Variants in ZBTB46 observed in about 807,000 individuals in gnomAD.
The protein encoded by ZBTB46 is zinc finger and BTB domain containing 46.
ZBTB46 carries 8 observed loss-of-function variants against 44.1 expected under a neutral mutation model. That is an observed-to-expected ratio of 0.18 (90% CI 0.11 to 0.33). The LOEUF (loss-of-function observed/expected upper bound fraction) is 0.33. ZBTB46 is among the 10% of genes least tolerant of loss of function. The pLI is 1.00. For synonymous variants in ZBTB46, 409 were observed against 382.3 expected, an observed-to-expected ratio of 1.07 and a Z score of -0.81; for missense variants, 651 against 847.7, an observed-to-expected ratio of 0.77 and a Z score of 2.88.
intron 1 of ZBTB46, among the ~76,000 whole-genome samples, chr20:63,822,335 GACGGGCACTTTTGTATGTGAC>G (rs1321000431): frequency 2.0e-5 from 3 of 152,208 alleles, no homozygotes; most frequent in Admixed American, 2.0e-4. Flanking sequence ...CCATGGGGGA[GACGGGCACTTTTGTATGTGAC>G]ACGGGCCCCC....
chr20:63,822,487 C>A (rs762799071), intron 1 of ZBTB46, among the ~76,000 whole-genome samples: 1 of 152,202 alleles, frequency 6.6e-6, no homozygotes, highest in Non-Finnish European at 1.5e-5. Context: ...TATTCCATTT[C>A]AGTACAATGG....
chr20:63,800,173 C>T (rs2092632606), intron 1 of ZBTB46, among the ~76,000 whole-genome samples: 1 of 152,206 alleles, frequency 6.6e-6, no homozygotes, highest in Non-Finnish European at 1.5e-5. Context: ...GCTCAGCCTT[C>T]CGTCCCCCTA....
chr20:63,816,055 C>CGGTGGGCGCAGGTGCAGTGGGCACA (rs1330368548), intron 1 of ZBTB46, among the ~76,000 whole-genome samples: 2 of 132,808 alleles, frequency 1.5e-5, no homozygotes, highest in Admixed American at 7.8e-5. Context: ...GGTGCAGGTG[C>CGGTGGGCGCAGGTGCAGTGGGCACA]GGTGGGCGCA....
rs745777313 is a variant in ZBTB46 at position 63,773,230 on chromosome 20, C to CTTTTTT, written c.1222+2442_1222+2447dup. On this transcript the variant is annotated intron_variant, in intron 3 of 4. Coordinates refer to ENST00000245663, the MANE Select transcript of ZBTB46 (RefSeq NM_001369741.1). ...AAATTGTTTCCCCTCAGTCCAATGG[C>CTTTTTT]TTTTTTTTTTTTTTTTGAGACAGTG... Among the ~76,000 whole-genome samples, 419 of 133,994 alleles carry CTTTTTT rather than the reference C, an allele frequency of 3.1e-3. 15 individuals are homozygous for CTTTTTT. The highest frequency in any genetic ancestry group is 0.011 in the African/African-American group (385 of 34,684). The allele number at this position is 133,994 out of a possible 152,430, so 87.9% of individuals were successfully genotyped here.
At chr20:63,833,539 C>T (rs1030605775), upstream of ZBTB46, among the ~76,000 whole-genome samples, 3 of 152,102 alleles carry the variant, frequency 2.0e-5, no homozygotes, top group Non-Finnish European at 4.4e-5. Context: ...TGCAGTGAGC[C>T]AAGTTCGTGC....
At chr20:63,817,462 C>G (rs1259700842) in intron 1 of ZBTB46, among the ~76,000 whole-genome samples, 1 of 151,662 alleles carries the variant, frequency 6.6e-6, no homozygotes, top group African/African-American at 2.4e-5. Flanking sequence ...GGCTTGTAAT[C>G]CCAGCTCTTC....
intron 1 of ZBTB46, among the ~76,000 whole-genome samples, chr20:63,821,870 G>A (rs563840501): frequency 3.3e-5 from 5 of 152,270 alleles, no homozygotes; most frequent in South Asian, 2.1e-4. Context: ...GCACCGAGGC[G>A]GTTTTAAATA....
At chr20:63,755,981 C>T (rs1172836728) in intron 3 of ZBTB46, among the ~76,000 whole-genome samples, 3 of 152,188 alleles carry the variant, frequency 2.0e-5, no homozygotes, top group Non-Finnish European at 1.5e-5. Flanking sequence ...TCAGAGCTGG[C>T]GTGGACCCCC....
At position 63,790,285 on chromosome 20, in the gene ZBTB46, A is replaced by G. The variant is rs1378671308; in HGVS notation, c.473T>C (p.Ile158Thr). The G allele has an allele frequency of 1.2e-6, 2 of 1,612,804 alleles. No homozygotes were observed. The highest frequency in any genetic ancestry group is 8.5e-7 in the Non-Finnish European group (1 of 1,179,888). ...ASSSSSTEAL[I>T]SAVMAGRSIS... Reference sequence around the variant, plus strand: ...GCTCCTCCCAGCCATCACGGCCGAGATGAGAGCTTCCGTGCTGCTGCTGGA... The same window carrying G: ...GCTCCTCCCAGCCATCACGGCCGAGGTGAGAGCTTCCGTGCTGCTGCTGGA... Residue 158 changes from isoleucine (I) to threonine (T), a missense_variant, in exon 2 of 5, where the codon ATC becomes ACC. Transcript: ENST00000245663.
At chr20:63,772,319 G>A (rs953512939) in intron 3 of ZBTB46, among the ~76,000 whole-genome samples, 7 of 152,104 alleles carry the variant, frequency 4.6e-5, no homozygotes, top group African/African-American at 1.7e-4. Context: ...TCTTACAAGA[G>A]AAATAGAAAA....
chr20:63,757,696 G>T (rs1480809202), intron 3 of ZBTB46, among the ~76,000 whole-genome samples: 1 of 152,136 alleles, frequency 6.6e-6, no homozygotes, highest in Non-Finnish European at 1.5e-5. Flanking sequence ...GGTTTCTGAT[G>T]CCCTGACATC....
At chr20:63,750,230 C>T (rs1221217789) in intron 4 of ZBTB46, among the ~76,000 whole-genome samples, 1 of 152,128 alleles carries the variant, frequency 6.6e-6, no homozygotes, top group Non-Finnish European at 1.5e-5. Context: ...AAAAGTCAAG[C>T]CCCATATGCT....
chr20:63,796,390 ATTC>A (rs2092604461), intron 1 of ZBTB46, among the ~76,000 whole-genome samples: 2 of 152,228 alleles, frequency 1.3e-5, no homozygotes, highest in South Asian at 4.1e-4. Flanking sequence ...CCTGCGTCTA[ATTC>A]CAAACCACTC....
At chr20:63,748,710 C>A (rs2092129306) in intron 4 of ZBTB46, among the ~76,000 whole-genome samples, 1 of 152,232 alleles carries the variant, frequency 6.6e-6, no homozygotes, top group Non-Finnish European at 1.5e-5. Context: ...CCAGGCTCCC[C>A]TCGGCTCCTC....
chr20:63,747,021 G>A lies in ZBTB46; in HGVS notation c.1679C>T (p.Ala560Val), dbSNP rs760419289. The A allele has an allele frequency of 7.5e-6, 12 of 1,607,914 alleles. No individual in the cohort carries two copies. The highest frequency in any genetic ancestry group is 2.2e-5 in the South Asian group (2 of 91,072). ...EDDEGLAPED[A>V]LLADDKDEED... ...CTCATCCTTGTCGTCCGCCAACAGC[G>A]CATCCTCAGGGGCCAGGCCCTCGTC... Residue 560 changes from alanine to valine, a missense_variant, in exon 5 of 5, where the codon GCG (alanine) becomes GTG (valine). Ala to Val is a moderately conservative substitution (Grantham distance 64). Transcript: ENST00000245663.
intron 1 of ZBTB46, among the ~76,000 whole-genome samples, chr20:63,796,194 CTGTT>C (rs1333165680): frequency 6.6e-6 from 1 of 152,242 alleles, no homozygotes; most frequent in Non-Finnish European, 1.5e-5. Context: ...GCCCGGAAGG[CTGTT>C]TGTTCTAATA....
chr20:63,795,225 A>C (rs1348217349), intron 1 of ZBTB46, among the ~76,000 whole-genome samples: 2 of 152,206 alleles, frequency 1.3e-5, no homozygotes, highest in Admixed American at 6.5e-5. Context: ...CGCTTATGAA[A>C]CGGGCATCAG....
intron 4 of ZBTB46, among the ~76,000 whole-genome samples, chr20:63,749,558 G>C (rs775398728): frequency 3.2e-4 from 48 of 152,238 alleles, no homozygotes; most frequent in South Asian, 1.2e-3. Flanking sequence ...GGATGGTCTC[G>C]ATCTCCTGAC....
chr20:63,770,297 T>C (rs2092357306), intron 3 of ZBTB46, among the ~76,000 whole-genome samples: 1 of 152,200 alleles, frequency 6.6e-6, no homozygotes, highest in African/African-American at 2.4e-5. Flanking sequence ...GCAGCCATGT[T>C]CTGAGCCTAA....
Sources: gnomAD v4.1 joint callset for allele counts (sites outside exome capture counted in the v4.1 genomes callset) on GRCh38, gnomAD v4.1.1 for gene constraint, MANE v1.5 for transcripts, NCBI Gene and HGNC (gene_info 2026-07-23, HGNC 2026-07-21) for gene names.